PPP2R5C: variants seen among roughly 807,000 people sequenced by gnomAD.
The protein encoded by PPP2R5C is protein phosphatase 2 regulatory subunit B'gamma.
A neutral mutation model predicts 68.9 loss-of-function variants in PPP2R5C; 7 were observed. That is an observed-to-expected ratio of 0.10 (90% confidence interval 0.06 to 0.19). The LOEUF (loss-of-function observed/expected upper bound fraction) is 0.19, where lower values mean the gene tolerates loss of function less well. PPP2R5C is among the 10% of genes least tolerant of loss of function. The probability of loss-of-function intolerance (pLI) is 1.00; values close to 1 mark genes in which losing one functional copy is unlikely to be tolerated. For missense variants in PPP2R5C, 348 were observed against 641.3 expected (o/e 0.54, Z 4.94); for synonymous variants, 210 against 222.2 (o/e 0.95, Z 0.49).
chr14:101,911,663 A>G (rs2046398610), intron 11 of PPP2R5C, among the ~76,000 whole-genome samples: 1 of 152,056 alleles, frequency 6.6e-6, no homozygotes, highest in South Asian at 2.1e-4. Context: ...CTGGTGGATC[A>G]TTTGAGGTCA....
chr14:101,881,209 T>C (rs1251959354), intron 2 of PPP2R5C, among the ~76,000 whole-genome samples: 2 of 151,912 alleles, frequency 1.3e-5, no homozygotes, highest in Non-Finnish European at 2.9e-5. Flanking sequence ...GCCAACATGG[T>C]GAAACCGTGG....
At chr14:101,784,992 G>T (rs138759236) in intron 2 of PPP2R5C, among the ~76,000 whole-genome samples, 1 of 152,146 alleles carries the variant, frequency 6.6e-6, no homozygotes, top group Non-Finnish European at 1.5e-5. Flanking sequence ...CCTCTGCTTC[G>T]TGCATCTTCA....
intron 3 of PPP2R5C, among the ~76,000 whole-genome samples, chr14:101,793,383 G>A (rs940464984): frequency 9.2e-5 from 14 of 152,334 alleles, no homozygotes; most frequent in Non-Finnish European, 1.9e-4. Flanking sequence ...TGTTTTTGAA[G>A]CAGGATATTT....
intron 1 of PPP2R5C, among the ~76,000 whole-genome samples, chr14:101,840,006 C>A (rs1257397886): frequency 1.3e-5 from 2 of 151,710 alleles, no homozygotes; most frequent in Non-Finnish European, 2.9e-5. Context: ...GAAAATTCTT[C>A]AAAAATAAGT....
In PPP2R5C at chr14:101,906,608, T is replaced by C; in HGVS notation, c.1151+79T>C. On this transcript the variant is annotated intron_variant, in intron 10 of 13. Transcript: ENST00000334743. This position sits in a 1 kb window ranked among gnomAD's most constrained non-coding sequence, Gnocchi z 4.0. ...TTACTGCTACTTCAGTAAGAATAAA[T>C]ATCAGAATTTTAAATATCAATTAAA... The C allele has an allele frequency of 6.9e-7, 1 of 1,458,446 alleles. No individual in the cohort carries two copies. Among genetic ancestry groups the C allele is most frequent in the Non-Finnish European group, 9.2e-7 (1 of 1,082,020 alleles). The allele number at this position is 1,458,446 out of a possible 1,614,324, so 90.3% of individuals were successfully genotyped here.
intron 2 of PPP2R5C, among the ~76,000 whole-genome samples, chr14:101,871,168 G>A (rs551294817): frequency 3.3e-5 from 5 of 152,002 alleles, no homozygotes; most frequent in Non-Finnish European, 5.9e-5. Context: ...ATCTTTATAC[G>A]TAAAGTGGGT....
chr14:101,795,328 A>G (rs935811573), intron 3 of PPP2R5C, among the ~76,000 whole-genome samples: 2 of 152,202 alleles, frequency 1.3e-5, no homozygotes, highest in East Asian at 1.9e-4. Context: ...TACCTCTCCA[A>G]TGCTGAGATC....
rs2037711162 is a variant in PPP2R5C at position 101,781,813 on chromosome 14, T to TTCCTTTCCGTCCCGTC, written c.94-4202_94-4187dup. Reference sequence around the variant, plus strand: ...CCGCCCGCGAACCGCGCTCTCCCGTTTCCTTTCCGTCCCGTCTCGGGGGCT... The same window carrying TTCCTTTCCGTCCCGTC: ...CCGCCCGCGAACCGCGCTCTCCCGTTTCCTTTCCGTCCCGTCTCCTTTCCGTCCCGTCTCGGGGGCT... On this transcript the variant is annotated intron_variant, in intron 2 of 14. Coordinates refer to the PPP2R5C transcript ENST00000328724. This position sits in a 1 kb window ranked among gnomAD's most constrained non-coding sequence, Gnocchi z 6.4. Among the ~76,000 whole-genome samples the TTCCTTTCCGTCCCGTC allele has an allele frequency of 6.6e-6, 1 of 151,682 alleles. No individual in the cohort carries two copies. The highest frequency in any genetic ancestry group is 6.5e-5 in the Admixed American group (1 of 15,272).
At chr14:101,887,082 C>T (rs1367716692) in intron 5 of PPP2R5C, among the ~76,000 whole-genome samples, 5 of 152,196 alleles carry the variant, frequency 3.3e-5, no homozygotes, top group Non-Finnish European at 7.3e-5. Flanking sequence ...TAAGAAAAAA[C>T]ATTTTGAACA....
intron 12 of PPP2R5C, among the ~76,000 whole-genome samples, chr14:101,912,967 G>A (rs1257188311): frequency 6.6e-6 from 1 of 152,222 alleles, no homozygotes; most frequent in Non-Finnish European, 1.5e-5. Context: ...CACATTAGCA[G>A]CCAACCCTCC....
intron 3 of PPP2R5C, among the ~76,000 whole-genome samples, chr14:101,804,369 G>A (rs967818605): frequency 7.2e-5 from 11 of 152,156 alleles, no homozygotes; most frequent in African/African-American, 2.7e-4. Flanking sequence ...CCACTGCTGG[G>A]TACATACCAC....
At position 101,781,095 on chromosome 14, in the gene PPP2R5C, C is replaced by T. The variant is rs536151428; in HGVS notation, c.94-4923C>T. ...GCCGTCTCCCTCCAGCTACAGGTGC[C>T]TTGCGGTGCCGCCACTGGAGGAGTC... is the stretch of plus-strand genomic sequence containing the variant. On this transcript the variant is annotated intron_variant, in intron 2 of 14. Coordinates refer to the PPP2R5C transcript ENST00000328724. The surrounding 1 kb of genome is among the most constrained non-coding windows in gnomAD (Gnocchi z 6.4). Among the ~76,000 whole-genome samples, 1 of 152,334 alleles carries T rather than the reference C, an allele frequency of 6.6e-6. No homozygotes were observed. Among genetic ancestry groups the T allele is most frequent in the South Asian group, 2.1e-4 (1 of 4,828 alleles).
chr14:101,846,083 C>T (rs796537327), intron 1 of PPP2R5C, among the ~76,000 whole-genome samples: 6 of 152,324 alleles, frequency 3.9e-5, no homozygotes, highest in African/African-American at 1.2e-4. Flanking sequence ...CATGGAGCCC[C>T]GCCAAACAGA....
intron 8 of PPP2R5C, among the ~76,000 whole-genome samples, chr14:101,900,411 G>A (rs1233591964): frequency 6.6e-6 from 1 of 152,242 alleles, no homozygotes; most frequent in African/African-American, 2.4e-5. Flanking sequence ...AAACGACCAG[G>A]CGGTCCCGGG....
At chr14:101,901,946 A>G (rs1252656681) in intron 9 of PPP2R5C, 57 bp downstream of exon 11, 4 of 1,566,642 alleles carry the variant, frequency 2.6e-6, no homozygotes, top group African/African-American at 2.7e-5. Context: ...TGGGAAAGGA[A>G]AAGTTCCATG....
chr14:101,787,495 G>T (rs1284019780), intron 3 of PPP2R5C, among the ~76,000 whole-genome samples: 1 of 152,044 alleles, frequency 6.6e-6, no homozygotes, highest in Non-Finnish European at 1.5e-5. Flanking sequence ...CGGGCGCAGT[G>T]GCTCATGCCT....
In PPP2R5C at chr14:101,856,889, A is replaced by AGT; in HGVS notation, c.294+6_294+7dup. On this transcript the variant is annotated splice_donor_region_variant and intron_variant, in intron 2 of 13. Coordinates refer to ENST00000334743, the Ensembl canonical transcript of PPP2R5C. Reference sequence around the variant, plus strand: ...TTACCCAGAAGTAGTCCATATGGTAAGTGATTACAGTTTAACCAGTGTGTC... The same window carrying AGT: ...TTACCCAGAAGTAGTCCATATGGTAAGTGTGATTACAGTTTAACCAGTGTGTC... The AGT allele has an allele frequency of 6.2e-7, 1 of 1,611,660 alleles. No homozygotes were observed.
intron 2 of PPP2R5C, among the ~76,000 whole-genome samples, chr14:101,871,114 G>T (rs2043381743): frequency 6.6e-6 from 1 of 152,078 alleles, no homozygotes; most frequent in Non-Finnish European, 1.5e-5. Context: ...ACTAGTGTTG[G>T]CATGGTATGT....
At chr14:101,800,368 C>G (rs2038806642) in intron 3 of PPP2R5C, among the ~76,000 whole-genome samples, 1 of 152,132 alleles carries the variant, frequency 6.6e-6, no homozygotes, top group Admixed American at 6.5e-5. Context: ...TTGAGACCAG[C>G]CTGGGCAACA....
Sources: allele counts gnomAD v4.1 joint callset (sites outside exome capture counted in the v4.1 genomes callset), GRCh38; gene constraint gnomAD v4.1.1; non-coding constraint Gnocchi (gnomAD v3.1); transcripts MANE v1.5; gene names NCBI Gene and HGNC (gene_info 2026-07-23, HGNC 2026-07-21).